STPG2: variants seen among roughly 807,000 people sequenced by gnomAD.
STPG2 encodes the protein sperm tail PG-rich repeat containing 2, also known as sperm-tail PG-rich repeat-containing protein 2.
A neutral mutation model predicts 54.2 loss-of-function variants in STPG2; 56 were observed. That is an observed-to-expected ratio of 1.03 (90% CI 0.83 to 1.29). The LOEUF (loss-of-function observed/expected upper bound fraction) is 1.29, where lower values mean the gene tolerates loss of function less well. Ranked by LOEUF, STPG2 falls within the 50% of genes most tolerant of loss-of-function variation. The pLI is 0.00. For missense variants in STPG2, 596 were observed against 544.9 expected (o/e 1.09, Z -0.93); for synonymous variants, 200 against 181.8 (o/e 1.10, Z -0.81).
At chr4:98,048,590 C>T (rs925152119) in intron 5 of STPG2, 6 of 174,102 alleles carry the variant, frequency 3.4e-5, no homozygotes, top group Admixed American at 3.1e-4. Flanking sequence ...CCATTTCCCT[C>T]AAGAAGCAGG....
At chr4:97,511,949 G>C (rs983248807) in intron 4 of STPG2, among the ~76,000 whole-genome samples, 3 of 152,132 alleles carry the variant, frequency 2.0e-5, no homozygotes, top group African/African-American at 7.2e-5. Context: ...ACATGTGGAA[G>C]GTGGTGAGAG....
At chr4:97,474,167 T>C (rs1291852755) in intron 4 of STPG2, among the ~76,000 whole-genome samples, 1 of 152,046 alleles carries the variant, frequency 6.6e-6, no homozygotes, top group Non-Finnish European at 1.5e-5. Context: ...ATTGAAGGGT[T>C]GTCTGTTTGT....
intron 5 of STPG2, among the ~76,000 whole-genome samples, chr4:98,068,991 T>A (rs1737919553): frequency 1.3e-5 from 2 of 152,110 alleles, no homozygotes; most frequent in African/African-American, 4.8e-5. Context: ...GACCAAAATA[T>A]CATTATGCAG....
At chr4:97,971,580 T>C (rs1330628900) in intron 7 of STPG2, among the ~76,000 whole-genome samples, 4 of 152,014 alleles carry the variant, frequency 2.6e-5, no homozygotes, top group South Asian at 2.1e-4. Context: ...TTCTCACTCA[T>C]AGATGGGAAT....
At chr4:97,860,289 T>A (rs1356675787) in intron 8 of STPG2, among the ~76,000 whole-genome samples, 2 of 152,040 alleles carry the variant, frequency 1.3e-5, no homozygotes, top group Non-Finnish European at 2.9e-5. Context: ...TTTATGGGAA[T>A]TGCATTAAAT....
intron 8 of STPG2, among the ~76,000 whole-genome samples, chr4:97,940,381 C>T (rs1280399162): frequency 1.3e-5 from 2 of 152,174 alleles, no homozygotes; most frequent in Non-Finnish European, 1.5e-5. Context: ...GGATTATATC[C>T]TTAAATATGT....
At chr4:98,050,442 T>A (rs1737280889) in intron 5 of STPG2, among the ~76,000 whole-genome samples, 1 of 121,732 alleles carries the variant, frequency 8.2e-6, no homozygotes, top group Non-Finnish European at 1.8e-5. Flanking sequence ...TTAAGTTTTT[T>A]ATTTTTTAAA....
intron 5 of STPG2, among the ~76,000 whole-genome samples, chr4:98,076,262 C>A (rs7665273): frequency 0.4 from 59,536 of 150,512 alleles, 12,022 homozygotes; most frequent in Middle Eastern, 0.46. Context: ...AAAAAAGAAG[C>A]AGCAAATGAG....
intron 5 of STPG2, among the ~76,000 whole-genome samples, chr4:98,015,933 T>C (rs1446434122): frequency 6.6e-6 from 1 of 151,996 alleles, no homozygotes; most frequent in East Asian, 1.9e-4. Flanking sequence ...TGGAAACCAT[T>C]ATTCTCAGCA....
chr4:97,689,653 AATG>A (rs1280946532), intron 10 of STPG2, among the ~76,000 whole-genome samples: 3 of 152,136 alleles, frequency 2.0e-5, no homozygotes, highest in African/African-American at 7.2e-5. Context: ...AGAGAGAATG[AATG>A]ATATCATAAT....
intron 7 of STPG2, among the ~76,000 whole-genome samples, chr4:97,945,532 T>A (rs1021106220): frequency 6.6e-6 from 1 of 151,976 alleles, no homozygotes; most frequent in Non-Finnish European, 1.5e-5. Context: ...CACATGCAGG[T>A]GTCTTTTTAA....
chr4:98,076,175 C>T (rs1738159758), intron 5 of STPG2, among the ~76,000 whole-genome samples: 1 of 151,120 alleles, frequency 6.6e-6, no homozygotes, highest in African/African-American at 2.4e-5. Flanking sequence ...ACCTGGGAGG[C>T]GGAGCTTGCA....
At chr4:97,974,164 G>T (rs139600873) in intron 6 of STPG2, among the ~76,000 whole-genome samples, 88 of 152,282 alleles carry the variant, frequency 5.8e-4, no homozygotes, top group Middle Eastern at 3.4e-3. Flanking sequence ...GACTATTTTG[G>T]AGCTTTAAGA....
At chr4:97,617,216 C>A (rs971801554) in intron 10 of STPG2, among the ~76,000 whole-genome samples, 1 of 151,544 alleles carries the variant, frequency 6.6e-6, no homozygotes, top group African/African-American at 2.4e-5. Flanking sequence ...GCTGTATACC[C>A]AATATCTGGC....
At chr4:97,789,526 G>T (rs968959236) in intron 9 of STPG2, among the ~76,000 whole-genome samples, 1 of 151,764 alleles carries the variant, frequency 6.6e-6, no homozygotes. Context: ...TCTTTTCTTC[G>T]ATCTACATTT....
At chr4:97,554,124 A>G (rs980408093), downstream of STPG2, among the ~76,000 whole-genome samples, 11 of 152,012 alleles carry the variant, frequency 7.2e-5, no homozygotes, top group African/African-American at 2.7e-4. Context: ...TCATTTTTCT[A>G]TCCTTTGAGC....
chr4:97,645,518 T>C (rs1721888678), intron 10 of STPG2, among the ~76,000 whole-genome samples: 1 of 152,182 alleles, frequency 6.6e-6, no homozygotes, highest in Admixed American at 6.5e-5. Flanking sequence ...CTAGCTGCCT[T>C]TTAACCTTTG....
chr4:98,010,909 T>C (rs1735724437), intron 5 of STPG2, among the ~76,000 whole-genome samples: 2 of 152,220 alleles, frequency 1.3e-5, no homozygotes, highest in South Asian at 4.1e-4. Context: ...TTCAATATTT[T>C]AAGTTATCCT....
At chr4:97,844,028 T>G (rs1409484327) in intron 8 of STPG2, among the ~76,000 whole-genome samples, 4 of 151,826 alleles carry the variant, frequency 2.6e-5, no homozygotes, top group African/African-American at 9.7e-5. Context: ...TCAGGAGGTA[T>G]GAAACCTCCT....
Sources: gnomAD v4.1 joint callset for allele counts (sites outside exome capture counted in the v4.1 genomes callset) on GRCh38, gnomAD v4.1.1 for gene constraint, MANE v1.5 for transcripts, NCBI Gene and HGNC (gene_info 2026-07-23, HGNC 2026-07-21) for gene names.